SLC39A11: variants seen among roughly 807,000 people sequenced by gnomAD.
The protein encoded by SLC39A11 is zinc transporter ZIP11.
Under a neutral mutation model 36.1 loss-of-function variants are expected in SLC39A11, and 33 were observed. The observed-to-expected ratio is 0.91, with a 90% CI of 0.69 to 1.22. The LOEUF is 1.22. SLC39A11 is among the 50% of genes most tolerant of loss of function. The probability of loss-of-function intolerance (pLI) is 0.00; values close to 1 mark genes in which losing one functional copy is unlikely to be tolerated. For missense variants in SLC39A11, 432 were observed against 430.3 expected, an observed-to-expected ratio of 1.00 and a Z score of -0.03; for synonymous variants, 166 against 170.3, an observed-to-expected ratio of 0.97 and a Z score of 0.20.
intron 4 of SLC39A11, among the ~76,000 whole-genome samples, chr17:72,975,220 C>A (rs1355641461): frequency 6.6e-6 from 1 of 152,136 alleles, no homozygotes; most frequent in Non-Finnish European, 1.5e-5. Flanking sequence ...ACATGGATCA[C>A]CTAAGGTCAG....
intron 7 of SLC39A11, among the ~76,000 whole-genome samples, chr17:72,718,068 C>T (rs928028026): frequency 6.6e-6 from 1 of 152,178 alleles, no homozygotes. Context: ...CAGTTAACAC[C>T]GAATACAAAA....
chr17:72,658,234 A>T (rs1338992880), intron 7 of SLC39A11, among the ~76,000 whole-genome samples: 3 of 152,120 alleles, frequency 2.0e-5, no homozygotes, highest in Non-Finnish European at 4.4e-5. Context: ...GTGCCCATTC[A>T]TGGGCTTGGC....
chr17:72,706,104 C>T (rs1249441928), intron 7 of SLC39A11, among the ~76,000 whole-genome samples: 1 of 152,184 alleles, frequency 6.6e-6, no homozygotes, highest in African/African-American at 2.4e-5. Context: ...CTGCTGGAAC[C>T]GGCAAACAGC....
At chr17:73,032,420 T>C (rs2058766960) in intron 3 of SLC39A11, among the ~76,000 whole-genome samples, 1 of 152,148 alleles carries the variant, frequency 6.6e-6, no homozygotes, top group Non-Finnish European at 1.5e-5. Flanking sequence ...TTGGCCAGGC[T>C]GGTCTCAAAC....
At chr17:72,740,580 G>A (rs370971035) in intron 6 of SLC39A11, among the ~76,000 whole-genome samples, 2 of 152,000 alleles carry the variant, frequency 1.3e-5, no homozygotes, top group Non-Finnish European at 2.9e-5. Context: ...TGCTTCTTGG[G>A]AGCACTTCCA....
At chr17:72,972,293 A>G (rs2087514132) in intron 4 of SLC39A11, among the ~76,000 whole-genome samples, 1 of 152,170 alleles carries the variant, frequency 6.6e-6, no homozygotes, top group Non-Finnish European at 1.5e-5. Flanking sequence ...GTGGGAAGTG[A>G]GATGAAGTGT....
At chr17:72,684,428 T>TCCG (rs2071648307) in intron 7 of SLC39A11, among the ~76,000 whole-genome samples, 1 of 152,162 alleles carries the variant, frequency 6.6e-6, no homozygotes, top group Non-Finnish European at 1.5e-5. Context: ...GACCTTTCTC[T>TCCG]CCGACCAGGG....
chr17:72,706,091 G>A (rs2072882026), intron 7 of SLC39A11, among the ~76,000 whole-genome samples: 1 of 152,190 alleles, frequency 6.6e-6, no homozygotes, highest in Admixed American at 6.5e-5. Context: ...AGGTGTTTGG[G>A]ACCTGCTGGA....
intron 7 of SLC39A11, among the ~76,000 whole-genome samples, chr17:72,723,439 G>A (rs912143604): frequency 1.1e-4 from 17 of 151,938 alleles, no homozygotes; most frequent in African/African-American, 4.1e-4. Context: ...GTAGTAGCAG[G>A]AAGAGATGGA....
intron 6 of SLC39A11, among the ~76,000 whole-genome samples, chr17:72,745,138 G>T (rs1052826709): frequency 6.6e-6 from 1 of 152,208 alleles, no homozygotes; most frequent in Non-Finnish European, 1.5e-5. Flanking sequence ...CACTGCACCT[G>T]GCCTCACATT....
chr17:72,833,996 C>T (rs1052124341), intron 6 of SLC39A11, among the ~76,000 whole-genome samples: 5 of 152,212 alleles, frequency 3.3e-5, no homozygotes, highest in Non-Finnish European at 5.9e-5. Flanking sequence ...GTAGGACATA[C>T]CCCATGACTG....
intron 3 of SLC39A11, among the ~76,000 whole-genome samples, chr17:73,049,939 A>T (rs950864424): frequency 6.6e-6 from 1 of 152,324 alleles, no homozygotes; most frequent in East Asian, 1.9e-4. Flanking sequence ...CTTGGCCAAC[A>T]TGGTGAAACC....
intron 6 of SLC39A11, among the ~76,000 whole-genome samples, chr17:72,844,681 A>T (rs1215158999): frequency 1.3e-5 from 2 of 152,130 alleles, no homozygotes. Flanking sequence ...AACAAAAAAC[A>T]AAAAAACAAA....
At chr17:72,792,467 T>A (rs2076742471) in intron 6 of SLC39A11, among the ~76,000 whole-genome samples, 1 of 152,168 alleles carries the variant, frequency 6.6e-6, no homozygotes, top group African/African-American at 2.4e-5. Context: ...GCCAGGGAAC[T>A]CGCAGCTAAG....
chr17:72,759,077 G>C (rs1056732340), intron 6 of SLC39A11, among the ~76,000 whole-genome samples: 1 of 144,250 alleles, frequency 6.9e-6, no homozygotes, highest in African/African-American at 2.5e-5. Context: ...CTCCAGCCTG[G>C]GCAACAGAGT....
At chr17:73,068,186 G>T in intron 3 of SLC39A11, 1 of 1,208,152 alleles carries the variant, frequency 8.3e-7, no homozygotes, top group South Asian at 1.3e-5. Context: ...AGTGGAAGAC[G>T]GGGGCTCCAG....
chr17:73,018,603 C>A (rs1454236443), intron 4 of SLC39A11, among the ~76,000 whole-genome samples: 2 of 151,820 alleles, frequency 1.3e-5, no homozygotes, highest in Non-Finnish European at 1.5e-5. Flanking sequence ...CCAAGAAGCA[C>A]AATTAACCAC....
At position 72,684,833 on chromosome 17, in the gene SLC39A11, G is replaced by A. The variant is rs150781397; in HGVS notation, c.672-35565C>T. 2.9e-3 allele frequency among the ~76,000 whole-genome samples: 437 copies of A among 152,302 alleles called. 1 individual carries two copies. In the Middle Eastern group the frequency reaches 0.034, roughly 12 times the overall value. ...AAAGCATTTGGCTCTGCATTTGTTGGTGCTCTGTGTGGGTGCCCAATGGCT... is the reference window on the plus strand; with the variant it reads ...AAAGCATTTGGCTCTGCATTTGTTGATGCTCTGTGTGGGTGCCCAATGGCT... On this transcript the variant is annotated intron_variant, in intron 7 of 9. Coordinates refer to ENST00000255559, the MANE Select transcript of SLC39A11 (RefSeq NM_139177.4).
In SLC39A11 at chr17:73,023,711, G is replaced by A. The variant is rs1410793805; in HGVS notation, c.306+7845C>T. ...TCACTGTGTTAGCCAGGCTGGTCTCGATCTCCTGACTGCGTGATCCGCCCA... is the reference window on the plus strand; with the variant it reads ...TCACTGTGTTAGCCAGGCTGGTCTCAATCTCCTGACTGCGTGATCCGCCCA... On this transcript the variant is annotated intron_variant, in intron 4 of 9. Transcript: ENST00000255559. 7.9e-5 allele frequency among the ~76,000 whole-genome samples: 12 copies of A among 152,212 alleles called. No homozygotes were observed. In the East Asian group the frequency reaches 1.2e-3, roughly 15 times the overall value.
Sources: allele counts gnomAD v4.1 joint callset (sites outside exome capture counted in the v4.1 genomes callset), GRCh38; gene constraint gnomAD v4.1.1; transcripts MANE v1.5; gene names NCBI Gene and HGNC (gene_info 2026-07-23, HGNC 2026-07-21).